The following NKAIN3 variants were observed in gnomAD, a reference collection of about 807,000 sequenced individuals.
The protein encoded by NKAIN3 is sodium/potassium transporting ATPase interacting 3, also known as sodium/potassium-transporting ATPase subunit beta-1-interacting protein 3.
Under a neutral mutation model 30.2 loss-of-function variants are expected in NKAIN3, and 25 were observed. The ratio of observed to expected loss-of-function variants is 0.83; its 90% confidence interval spans 0.60 to 1.16. The LOEUF is 1.16. Among genes scored for constraint, NKAIN3 ranks in the 50% most tolerant of loss-of-function variants. The pLI is 0.00. For missense variants in NKAIN3, 225 were observed against 254.1 expected (o/e 0.89, Z 0.78); for synonymous variants, 91 against 89.6 (o/e 1.02, Z -0.09).
At chr8:62,453,857 A>G (rs1028328177) in intron 1 of NKAIN3, among the ~76,000 whole-genome samples, 13 of 152,136 alleles carry the variant, frequency 8.5e-5, no homozygotes, top group African/African-American at 3.1e-4. Flanking sequence ...CAGACCAATA[A>G]CAAGTTCTGA....
chr8:62,738,596 A>T, intron 3 of NKAIN3, among the ~76,000 whole-genome samples: 1 of 63,912 alleles, frequency 1.6e-5, no homozygotes. Flanking sequence ...AAGATACTCC[A>T]TCTCCAAAAA....
intron 1 of NKAIN3, among the ~76,000 whole-genome samples, chr8:62,363,907 A>T (rs1053888473): frequency 6.6e-6 from 1 of 152,206 alleles, no homozygotes; most frequent in Admixed American, 6.5e-5. Flanking sequence ...TAATAGAAAG[A>T]TGTTTAATCA....
chr8:62,400,853 T>C (rs1803838853), intron 1 of NKAIN3, among the ~76,000 whole-genome samples: 1 of 152,218 alleles, frequency 6.6e-6, no homozygotes, highest in Non-Finnish European at 1.5e-5. Flanking sequence ...CCTTTCTTTA[T>C]CCTTGGCCTT....
intron 1 of NKAIN3, among the ~76,000 whole-genome samples, chr8:62,561,719 T>C (rs1196669484): frequency 6.6e-6 from 1 of 152,150 alleles, no homozygotes; most frequent in Non-Finnish European, 1.5e-5. Flanking sequence ...CTGTACATAA[T>C]GCCAACCACA....
chr8:62,951,323 A>G (rs190869816), intron 5 of NKAIN3, among the ~76,000 whole-genome samples: 1 of 152,322 alleles, frequency 6.6e-6, no homozygotes, highest in African/African-American at 2.4e-5. Flanking sequence ...AGTCTTATAT[A>G]CCAGTTTATA....
chr8:62,291,620 G>T (rs1281877615), intron 1 of NKAIN3, among the ~76,000 whole-genome samples: 1 of 152,130 alleles, frequency 6.6e-6, no homozygotes, highest in Non-Finnish European at 1.5e-5. Context: ...TATAATTTCT[G>T]TTCTTTTACA....
chr8:62,380,092 C>T (rs562287906), intron 1 of NKAIN3, among the ~76,000 whole-genome samples: 7 of 152,276 alleles, frequency 4.6e-5, no homozygotes, highest in Admixed American at 1.3e-4. Context: ...GTAACTAGTA[C>T]TTTAACATGT....
chr8:62,741,430 A>G lies in NKAIN3; in HGVS notation c.274-5502A>G, dbSNP rs375410246. 9.5e-3 allele frequency among the ~76,000 whole-genome samples: 1,389 copies of G among 146,596 alleles called. 28 individuals carry two copies. Among genetic ancestry groups the G allele is most frequent in the African/African-American group, 0.036 (1,333 of 37,272 alleles). On this transcript the variant is annotated intron_variant, in intron 3 of 6. Transcript: ENST00000623646. ...AGGAAGGAAGGAAGGAAGGCAGGCA[A>G]GCAAGCAAGCACACTCCAACCTTCC... is the stretch of plus-strand genomic sequence containing the variant.
At chr8:62,643,737 C>T (rs560955878) in intron 3 of NKAIN3, among the ~76,000 whole-genome samples, 39 of 152,126 alleles carry the variant, frequency 2.6e-4, no homozygotes, top group Non-Finnish European at 5.4e-4. Context: ...TTTTCCTATC[C>T]ACATTCCGAA....
At chr8:62,915,391 C>T (rs1822064238) in intron 4 of NKAIN3, among the ~76,000 whole-genome samples, 1 of 152,076 alleles carries the variant, frequency 6.6e-6, no homozygotes. Context: ...GAGATGGCAG[C>T]CTGAGACAGA....
chr8:62,786,053 T>TACC (rs1411214163), intron 4 of NKAIN3, among the ~76,000 whole-genome samples: 3 of 151,766 alleles, frequency 2.0e-5, no homozygotes, highest in Non-Finnish European at 4.4e-5. Context: ...CCTACTTCCA[T>TACC]ACCACCACCA....
At chr8:62,785,263 A>G (rs1817478762) in intron 4 of NKAIN3, among the ~76,000 whole-genome samples, 1 of 152,208 alleles carries the variant, frequency 6.6e-6, no homozygotes, top group South Asian at 2.1e-4. Flanking sequence ...ATGAATCACT[A>G]GTATACACTG....
chr8:62,325,434 T>C (rs1207195431), intron 1 of NKAIN3, among the ~76,000 whole-genome samples: 1 of 152,132 alleles, frequency 6.6e-6, no homozygotes, highest in East Asian at 1.9e-4. Flanking sequence ...ATTGTGCTGC[T>C]ATAAACATGC....
At chr8:62,423,615 G>A (rs1049080059) in intron 1 of NKAIN3, among the ~76,000 whole-genome samples, 48 of 151,224 alleles carry the variant, frequency 3.2e-4, no homozygotes, top group African/African-American at 6.8e-4. Flanking sequence ...TGGCTTCTTC[G>A]CAAGCTTTTA....
intron 1 of NKAIN3, among the ~76,000 whole-genome samples, chr8:62,468,919 C>A (rs1236905940): frequency 6.6e-6 from 1 of 152,150 alleles, no homozygotes; most frequent in Admixed American, 6.5e-5. Context: ...AATCCCAGCA[C>A]CTAGTAGACA....
intron 4 of NKAIN3, among the ~76,000 whole-genome samples, chr8:62,848,634 C>T (rs62510768): frequency 0.082 from 12,531 of 152,238 alleles, 572 homozygotes; most frequent in South Asian, 0.14. Context: ...TTGACTTCCT[C>T]TCTTCCTATT....
At chr8:62,333,891 A>T (rs749489596) in intron 1 of NKAIN3, among the ~76,000 whole-genome samples, 15 of 152,084 alleles carry the variant, frequency 9.9e-5, no homozygotes, top group Non-Finnish European at 1.5e-4. Context: ...ATTGGATTTT[A>T]TCCCTTTTTA....
chr8:62,502,668 C>G (rs938905377), intron 1 of NKAIN3, among the ~76,000 whole-genome samples: 2 of 152,142 alleles, frequency 1.3e-5, no homozygotes, highest in Non-Finnish European at 2.9e-5. Flanking sequence ...TCAGACACTT[C>G]TCCAGCCATT....
At chr8:62,689,014 G>T (rs1262144722) in intron 3 of NKAIN3, among the ~76,000 whole-genome samples, 2 of 152,008 alleles carry the variant, frequency 1.3e-5, no homozygotes, top group African/African-American at 4.8e-5. Flanking sequence ...CTGTAAGTAT[G>T]TATATTACTT....
Sources: allele counts gnomAD v4.1 joint callset (sites outside exome capture counted in the v4.1 genomes callset), GRCh38; gene constraint gnomAD v4.1.1; transcripts MANE v1.5; gene names NCBI Gene and HGNC (gene_info 2026-07-23, HGNC 2026-07-21).